The following GALNT13 variants were observed in gnomAD, a reference collection of about 807,000 sequenced individuals.
The protein encoded by GALNT13 is UDP-GalNAc:polypeptide N-acetylgalactosaminyltransferase 13.
In GALNT13, 28 loss-of-function variants were observed where a neutral mutation model predicts 64.2. That is an observed-to-expected ratio of 0.44 (90% CI 0.32 to 0.60). The LOEUF (loss-of-function observed/expected upper bound fraction) is 0.60. Among genes scored for constraint, GALNT13 ranks in the 20% least tolerant of loss-of-function variants. The pLI is 0.05. For missense variants in GALNT13, 577 were observed against 669.8 expected, an observed-to-expected ratio of 0.86 and a Z score of 1.53; for synonymous variants, 214 against 224.6, an observed-to-expected ratio of 0.95 and a Z score of 0.42.
At chr2:154,336,016 T>C (rs918039706) in intron 9 of GALNT13, among the ~76,000 whole-genome samples, 27 of 152,060 alleles carry the variant, frequency 1.8e-4, no homozygotes, top group Non-Finnish European at 3.5e-4. Context: ...GTGACTAATA[T>C]ATAAAAATGC....
intron 4 of GALNT13, among the ~76,000 whole-genome samples, chr2:154,171,642 C>T (rs1374783049): frequency 6.6e-6 from 1 of 151,962 alleles, no homozygotes; most frequent in Non-Finnish European, 1.5e-5. Flanking sequence ...CTCTGAAGTC[C>T]CTGACTCTGA....
the GALNT13 span, among the ~76,000 whole-genome samples, chr2:153,365,771 T>C: frequency 1.6e-4 from 24 of 152,026 alleles, no homozygotes; most frequent in African/African-American, 5.8e-4. Context: ...TGTGGAGAAA[T>C]AGGAACACTT....
chr2:153,896,807 G>T (rs1179460410), intron 1 of GALNT13, among the ~76,000 whole-genome samples: 2 of 152,028 alleles, frequency 1.3e-5, no homozygotes, highest in Non-Finnish European at 2.9e-5. Context: ...ATATATGTTT[G>T]AATATTATTC....
chr2:154,311,121 CAAT>C (rs1332217584), intron 9 of GALNT13, among the ~76,000 whole-genome samples: 4 of 151,996 alleles, frequency 2.6e-5, no homozygotes, highest in Non-Finnish European at 4.4e-5. Flanking sequence ...CTCTCACCAA[CAAT>C]GCTTGAGCAC....
At chr2:154,074,024 T>C (rs1197849928) in intron 3 of GALNT13, among the ~76,000 whole-genome samples, 1 of 151,916 alleles carries the variant, frequency 6.6e-6, no homozygotes, top group Admixed American at 6.6e-5. Flanking sequence ...ATATTTTATG[T>C]ATATTAATGT....
the GALNT13 span, among the ~76,000 whole-genome samples, chr2:153,255,470 T>C: frequency 6.8e-6 from 1 of 148,144 alleles, no homozygotes; most frequent in African/African-American, 2.5e-5. Flanking sequence ...TCCATTTACA[T>C]TTAAAGTTAA....
At chr2:153,980,407 T>C (rs1694382252) in intron 3 of GALNT13, among the ~76,000 whole-genome samples, 1 of 152,082 alleles carries the variant, frequency 6.6e-6, no homozygotes, top group South Asian at 2.1e-4. Context: ...CTTGGAAATG[T>C]ACATAATGGT....
At chr2:154,211,553 G>A (rs1358898643) in intron 4 of GALNT13, among the ~76,000 whole-genome samples, 1 of 146,548 alleles carries the variant, frequency 6.8e-6, no homozygotes, top group African/African-American at 2.5e-5. Context: ...GATTGAACCC[G>A]GGAGGCAGAT....
At chr2:154,306,143 T>TTATTAA (rs1693718153) in intron 9 of GALNT13, among the ~76,000 whole-genome samples, 1 of 129,920 alleles carries the variant, frequency 7.7e-6, no homozygotes, top group Non-Finnish European at 1.7e-5. Context: ...TAAATCTCTT[T>TTATTAA]TATTATTATT....
intron 9 of GALNT13, among the ~76,000 whole-genome samples, chr2:154,376,519 A>T (rs1559121998): frequency 6.6e-6 from 1 of 152,122 alleles, no homozygotes; most frequent in African/African-American, 2.4e-5. Context: ...TAGTTAATAA[A>T]TTTTTTAAAA....
intron 4 of GALNT13, among the ~76,000 whole-genome samples, chr2:154,210,749 G>A (rs1196211405): frequency 6.6e-6 from 1 of 152,156 alleles, no homozygotes; most frequent in South Asian, 2.1e-4. Context: ...AAATATGGTG[G>A]CAGATAAACC....
rs570115031 is a variant in GALNT13, at chr2:154,357,253, A to C, written c.1157-38738A>C. On this transcript the variant is annotated intron_variant, in intron 9 of 12. Transcript: ENST00000392825. ...AGGAGAGTCAAAAATTCTTTGTAGC[A>C]CTCTTGGATGACTTATTTGGGGCAA... 1.2e-4 allele frequency among the ~76,000 whole-genome samples: 18 copies of C among 151,988 alleles called. No individual in the cohort carries two copies. The South Asian group carries it at 3.5e-3, about 30-fold the overall frequency.
At chr2:153,403,847 G>A in the GALNT13 span, among the ~76,000 whole-genome samples, 1 of 152,308 alleles carries the variant, frequency 6.6e-6, no homozygotes, top group African/African-American at 2.4e-5. Flanking sequence ...CTAGTGAGAT[G>A]AACCCGGTAC....
At chr2:153,124,852 A>G in the GALNT13 span, among the ~76,000 whole-genome samples, 1 of 152,188 alleles carries the variant, frequency 6.6e-6, no homozygotes, top group Non-Finnish European at 1.5e-5. Context: ...CTGCTTAATA[A>G]CTAGGGCAAA....
At chr2:153,361,168 A>AAC in the GALNT13 span, among the ~76,000 whole-genome samples, 1 of 152,070 alleles carries the variant, frequency 6.6e-6, no homozygotes, top group South Asian at 2.1e-4. Context: ...AAAACAAACA[A>AAC]ACAGGAATCA....
At chr2:153,080,985 A>G in the GALNT13 span, among the ~76,000 whole-genome samples, 1 of 151,782 alleles carries the variant, frequency 6.6e-6, no homozygotes, top group Non-Finnish European at 1.5e-5. Context: ...CCACCCTTAA[A>G]TTTTCCTGAA....
At chr2:153,362,948 A>G in the GALNT13 span, among the ~76,000 whole-genome samples, 23 of 152,318 alleles carry the variant, frequency 1.5e-4, no homozygotes, top group South Asian at 4.4e-3. Context: ...TCAGTGCCAC[A>G]TGGCACTTAT....
chr2:153,240,491 G>A, the GALNT13 span, among the ~76,000 whole-genome samples: 1 of 152,118 alleles, frequency 6.6e-6, no homozygotes, highest in Non-Finnish European at 1.5e-5. Flanking sequence ...TGATAGATCA[G>A]AGGCCAGTTG....
At chr2:154,407,599 A>T (rs879705) in intron 10 of GALNT13, among the ~76,000 whole-genome samples, 99,149 of 133,736 alleles carry the variant, frequency 0.74, 32,899 homozygotes, top group Admixed American at 0.78. Flanking sequence ...CTATATGAAC[A>T]GGTACCGGGT....
Sources: gnomAD v4.1 joint callset for allele counts (sites outside exome capture counted in the v4.1 genomes callset) on GRCh38, gnomAD v4.1.1 for gene constraint, MANE v1.5 for transcripts, NCBI Gene and HGNC (gene_info 2026-07-23, HGNC 2026-07-21) for gene names.